Variants in NACC2 observed in about 807,000 individuals in gnomAD.
NACC2 encodes NACC family member 2, also known as nucleus accumbens-associated protein 2.
NACC2 carries 8 observed loss-of-function variants against 25.1 expected under a neutral mutation model. That is an observed-to-expected ratio of 0.32 (90% CI 0.19 to 0.57). The LOEUF (loss-of-function observed/expected upper bound fraction) is 0.57, where lower values mean the gene tolerates loss of function less well. Ranked by LOEUF, NACC2 falls within the 20% of genes least tolerant of loss-of-function variation. The probability of loss-of-function intolerance (pLI) is 0.89; values close to 1 mark genes in which losing one functional copy is unlikely to be tolerated. For synonymous variants in NACC2, 435 were observed against 294.7 expected (o/e 1.48, Z -4.88); for missense variants, 644 against 650.2 (o/e 0.99, Z 0.10).
At position 136,018,090 on chromosome 9, in the gene NACC2, G is replaced by A. The variant is rs1006816086; in HGVS notation, c.887-1661C>T. On this transcript the variant is annotated intron_variant, in intron 2 of 5. Transcript: ENST00000277554. This position sits in a 1 kb window ranked among gnomAD's most constrained non-coding sequence, Gnocchi z 4.4. ...GGGAGGGGTGGGGTGGAACCTGCAC[G>A]TCCAGCAGGCTCGGGGCAGGCAGCT... Among the ~76,000 whole-genome samples the A allele has an allele frequency of 2.0e-5, 3 of 152,154 alleles. No homozygotes were observed. The highest frequency in any genetic ancestry group is 2.9e-5 in the Non-Finnish European group (2 of 68,002).
chr9:136,017,283 T>C (rs1223212517), intron 2 of NACC2, among the ~76,000 whole-genome samples: 1 of 152,056 alleles, frequency 6.6e-6, no homozygotes, highest in Non-Finnish European at 1.5e-5. Flanking sequence ...CCTCGGAGGC[T>C]CCTGGGCCAC....
chr9:136,088,557 G>A (rs934619467), intron 1 of NACC2, among the ~76,000 whole-genome samples: 3 of 152,138 alleles, frequency 2.0e-5, no homozygotes, highest in Non-Finnish European at 4.4e-5. Context: ...GGGCTCGTGG[G>A]GACCCAGGTC....
intron 2 of NACC2, among the ~76,000 whole-genome samples, chr9:136,024,348 AGT>A (rs1218239187): frequency 2.7e-5 from 3 of 111,220 alleles, no homozygotes; most frequent in Non-Finnish European, 3.6e-5. Context: ...GTGAGGACAG[AGT>A]GTGTGTGTGT....
intron 1 of NACC2, among the ~76,000 whole-genome samples, chr9:136,051,850 G>A (rs1840845425): frequency 6.6e-6 from 1 of 151,410 alleles, no homozygotes; most frequent in Non-Finnish European, 1.5e-5. Flanking sequence ...GGGAGCCCTG[G>A]GGCGGGGAGG....
chr9:136,070,714 A>T (rs1841140664), intron 1 of NACC2, among the ~76,000 whole-genome samples: 1 of 151,282 alleles, frequency 6.6e-6, no homozygotes, highest in African/African-American at 2.4e-5. Context: ...GCAGAAGAAA[A>T]GAAATGATAA....
chr9:136,025,731 G>A (rs1175879455), intron 2 of NACC2, among the ~76,000 whole-genome samples: 2 of 151,220 alleles, frequency 1.3e-5, no homozygotes, highest in Admixed American at 6.6e-5. Flanking sequence ...TGGCCAAAAC[G>A]GCAAGACCTC....
At chr9:136,023,061 G>A (rs35160466) in intron 2 of NACC2, among the ~76,000 whole-genome samples, 4,683 of 68,762 alleles carry the variant, frequency 0.068, 568 homozygotes, top group Middle Eastern at 0.12. Context: ...AGGGAGGAAG[G>A]AGGGAAGAGG....
rs892417323 is a variant in NACC2 at position 136,055,783 on chromosome 9, AG to A, written c.-59-5204del. On this transcript the variant is annotated intron_variant, in intron 1 of 5. Transcript: ENST00000277554. The surrounding 1 kb of genome is among the most constrained non-coding windows in gnomAD (Gnocchi z 4.9). ...GCGGGGCACGGGAAACGTTCTGCGG[AG>A]GGGAGAGTCCCTCTACCCCGAGCCC... Among the ~76,000 whole-genome samples, 2 of 152,162 alleles carry A rather than the reference AG, an allele frequency of 1.3e-5. No individual in the cohort carries two copies. Among genetic ancestry groups the A allele is most frequent in the African/African-American group, 4.8e-5 (2 of 41,436 alleles).
In NACC2 at chr9:136,040,466, T is replaced by C. The variant is rs1216561238; in HGVS notation, c.886+9170A>G. Among the ~76,000 whole-genome samples the C allele has an allele frequency of 2.6e-5, 4 of 152,108 alleles. No individual in the cohort carries two copies. In the East Asian group the frequency reaches 5.8e-4, roughly 22 times the overall value. On this transcript the variant is annotated intron_variant, in intron 2 of 5. Transcript: ENST00000277554. Reference sequence around the variant, plus strand: ...TAAAATAGGAGAACGGAGAAATACATGCAAAAAATATGTAACATCAGCAAT... The same window carrying C: ...TAAAATAGGAGAACGGAGAAATACACGCAAAAAATATGTAACATCAGCAAT...
chr9:136,021,184 G>T (rs539401625), intron 2 of NACC2, among the ~76,000 whole-genome samples: 1 of 152,270 alleles, frequency 6.6e-6, no homozygotes, highest in East Asian at 1.9e-4. Context: ...ATACTCAACA[G>T]TTAAAAACCA....
intron 2 of NACC2, among the ~76,000 whole-genome samples, chr9:136,025,037 A>G (rs1049827739): frequency 2.0e-5 from 3 of 152,386 alleles, no homozygotes; most frequent in Admixed American, 6.5e-5. Context: ...AAGAAACGAA[A>G]AAAACAAGGA....
At chr9:136,025,674 G>C (rs1018087845) in intron 2 of NACC2, among the ~76,000 whole-genome samples, 1 of 151,212 alleles carries the variant, frequency 6.6e-6, no homozygotes, top group African/African-American at 2.4e-5. Context: ...GGCACTCTGG[G>C]AGGCTGAGGT....
At chr9:136,021,361 C>G (rs537383942) in intron 2 of NACC2, among the ~76,000 whole-genome samples, 2 of 152,132 alleles carry the variant, frequency 1.3e-5, no homozygotes, top group Non-Finnish European at 2.9e-5. Flanking sequence ...GTAAAAACAC[C>G]GACGCCAAGT....
At chr9:136,088,470 G>A (rs1407181544) in intron 1 of NACC2, among the ~76,000 whole-genome samples, 2 of 152,116 alleles carry the variant, frequency 1.3e-5, no homozygotes, top group Non-Finnish European at 2.9e-5. Flanking sequence ...AAGCCACAGT[G>A]GTCAGTCAGC....
At chr9:136,051,098 G>A (rs1447713612) in intron 1 of NACC2, among the ~76,000 whole-genome samples, 1 of 152,174 alleles carries the variant, frequency 6.6e-6, no homozygotes, top group Non-Finnish European at 1.5e-5. Flanking sequence ...TCTTCCCTCC[G>A]AGCAGCCTCG....
chr9:136,013,106 C>T lies in NACC2; in HGVS notation c.1255+93G>A, dbSNP rs981100108. 1.3e-5 allele frequency: 14 copies of T among 1,093,998 alleles called. No individual in the cohort carries two copies. The African/African-American group carries it at 1.4e-4, about 11-fold the overall frequency. 67.8% of individuals were successfully genotyped at this position (1,093,998 alleles called of 1,614,324 possible). On this transcript the variant is annotated intron_variant, in intron 5 of 5. Coordinates refer to ENST00000277554, the MANE Select transcript of NACC2 (RefSeq NM_144653.5). The surrounding 1 kb of genome is among the most constrained non-coding windows in gnomAD (Gnocchi z 6.6). ...CCCAGGGACGGAAGCTGCAGGTGGC[C>T]GGGAGCACCCCCGCGGCCCACCCAG...
At chr9:136,014,772 T>C (rs1365874133) in intron 3 of NACC2, among the ~76,000 whole-genome samples, 1 of 152,040 alleles carries the variant, frequency 6.6e-6, no homozygotes, top group Non-Finnish European at 1.5e-5. Context: ...TCTGGGTATG[T>C]GTGAAGAGGA....
intron 1 of NACC2, among the ~76,000 whole-genome samples, chr9:136,062,856 G>A (rs1471543896): frequency 6.6e-6 from 1 of 152,190 alleles, no homozygotes; most frequent in African/African-American, 2.4e-5. Context: ...GGCCGAGGCC[G>A]CAGTGTGCCG....
intron 1 of NACC2, among the ~76,000 whole-genome samples, chr9:136,093,494 G>T (rs990773374): frequency 6.6e-6 from 1 of 152,146 alleles, no homozygotes; most frequent in African/African-American, 2.4e-5. Flanking sequence ...CCGCCTTCCC[G>T]CCAGGCCAGG....
Sources: allele counts gnomAD v4.1 joint callset (sites outside exome capture counted in the v4.1 genomes callset), GRCh38; gene constraint gnomAD v4.1.1; non-coding constraint Gnocchi (gnomAD v3.1); transcripts MANE v1.5; gene names NCBI Gene and HGNC (gene_info 2026-07-23, HGNC 2026-07-21).